Variants in ZFHX4 observed in about 807,000 individuals in gnomAD.
ZFHX4 encodes the protein zinc finger homeobox 4, also known as zinc finger homeobox protein 4.
A neutral mutation model predicts 267.6 loss-of-function variants in ZFHX4; 56 were observed. The observed-to-expected ratio is 0.21, with a 90% CI of 0.17 to 0.26. ZFHX4 has a LOEUF of 0.26. ZFHX4 is among the 10% of genes least tolerant of loss of function. The pLI is 1.00. For missense variants in ZFHX4, 4,332 were observed against 4,420.0 expected (o/e 0.98, Z 0.56); for synonymous variants, 1,778 against 1,665.6 (o/e 1.07, Z -1.64).
chr8:76,696,049 G>C (rs1807947763), intron 1 of ZFHX4, among the ~76,000 whole-genome samples: 1 of 152,008 alleles, frequency 6.6e-6, no homozygotes, highest in Non-Finnish European at 1.5e-5. Context: ...CTTGTTCTTG[G>C]TCCTAATAGA....
rs768195120 is a variant in ZFHX4, at chr8:76,853,666, G to C, written c.6745G>C (p.Ala2249Pro). 1 of 1,613,488 alleles carries C rather than the reference G, an allele frequency of 6.2e-7. No homozygotes were observed. The highest frequency in any genetic ancestry group is 1.1e-5 in the South Asian group (1 of 91,050). The change falls in exon 10 of 11, where the codon GCT becomes CCT. Residue 2249 changes from alanine (A) to proline (P), a missense_variant. Transcript: ENST00000651372. ...RVLQDFFDTN[A>P]YPKDDEIEQL... Reference sequence around the variant, plus strand: ...TCTGCAAGACTTTTTTGACACAAACGCTTACCCAAAAGATGATGAAATAGA... The same window carrying C: ...TCTGCAAGACTTTTTTGACACAAACCCTTACCCAAAAGATGATGAAATAGA...
chr8:76,793,577 G>A (rs923599767), intron 4 of ZFHX4, among the ~76,000 whole-genome samples: 1 of 152,156 alleles, frequency 6.6e-6, no homozygotes, highest in African/African-American at 2.4e-5. Context: ...ATTTGGGGAT[G>A]TATATTGGCT....
Position 76,854,735 on chromosome 8 carries a change from A to G in ZFHX4, c.7814A>G (p.Asp2605Gly). 2 of 1,612,954 alleles carry G rather than the reference A, an allele frequency of 1.2e-6. No homozygotes were observed. Among genetic ancestry groups the G allele is most frequent in the Non-Finnish European group, 1.7e-6 (2 of 1,179,376 alleles). The change falls in exon 10 of 11, where the codon GAT (aspartate) becomes GGT (glycine). Residue 2605 changes from aspartate (D) to glycine (G), a missense_variant. Asp to Gly is a moderately conservative substitution (Grantham distance 94). Coordinates refer to ENST00000651372, the MANE Select transcript of ZFHX4 (RefSeq NM_024721.5). ...AATAGCGGTGAAGACCAACACCGAG[A>G]TAAACGCTTGAGAACCACGATCACC... ...GGNSGEDQHR[D>G]KRLRTTITPE...
rs781685150 is a variant in ZFHX4 at position 76,849,688 on chromosome 8, C to A, written c.3822C>A (p.Asp1274Glu). 21 of 1,613,740 alleles carry A rather than the reference C, an allele frequency of 1.3e-5. No homozygotes were observed. The highest frequency in any genetic ancestry group is 1.7e-5 in the Non-Finnish European group (20 of 1,179,860). The change falls in exon 8 of 11, where the codon GAC becomes GAA. Residue 1274 changes from aspartate (D) to glutamate (E), a missense_variant. Transcript: ENST00000651372. Reference protein sequence around the residue: ...HLTHLHSVSPDCVEKLLMTVP... With the variant: ...HLTHLHSVSPECVEKLLMTVP... The stretch of plus-strand genomic sequence containing the variant: ...CGCATTTGCACAGTGTGTCTCCAGA[C>A]TGTGTGGAGAAGCTGCTTATGACAG...
rs1563485989 is a variant in ZFHX4 at position 76,725,005 on chromosome 8, A to G, written c.3093+16957A>G. On this transcript the variant is annotated intron_variant, in intron 3 of 10. Coordinates refer to ENST00000651372, the MANE Select transcript of ZFHX4 (RefSeq NM_024721.5). The stretch of plus-strand genomic sequence containing the variant: ...TGGATATAAGTGTGTGTGTACAGGT[A>G]TATGGGGGGATGTGTATGTGTAGAT... 3.3e-5 allele frequency among the ~76,000 whole-genome samples: 5 copies of G among 152,092 alleles called. No individual in the cohort carries two copies. In the South Asian group the frequency reaches 8.3e-4, roughly 25 times the overall value.
At position 76,825,143 on chromosome 8, in the gene ZFHX4, T is replaced by C. The variant is rs76927379; in HGVS notation, c.3326-8195T>C. 7.4e-3 allele frequency among the ~76,000 whole-genome samples: 1,134 copies of C among 152,282 alleles called. 14 individuals are homozygous for C. Among genetic ancestry groups the C allele is most frequent in the African/African-American group, 0.026 (1,097 of 41,536 alleles). On this transcript the variant is annotated intron_variant, in intron 4 of 10. Transcript: ENST00000651372. ...AATCTAAAAAGCCATAGTACCAAAT[T>C]GATATAGTCTTTTCTTTGAGTAACT...
chr8:76,742,463 G>A (rs1463525481), intron 3 of ZFHX4, among the ~76,000 whole-genome samples: 3 of 152,102 alleles, frequency 2.0e-5, no homozygotes, highest in Non-Finnish European at 4.4e-5. Context: ...CTAAGAAAAT[G>A]AATTTTTAGA....
intron 4 of ZFHX4, among the ~76,000 whole-genome samples, chr8:76,789,840 C>T (rs942418097): frequency 7.9e-5 from 12 of 152,022 alleles, no homozygotes; most frequent in Non-Finnish European, 1.6e-4. Flanking sequence ...TGTGCATATG[C>T]ATTTAGAAAA....
In ZFHX4 at chr8:76,851,516, A is replaced by C; in HGVS notation, c.4595A>C (p.Glu1532Ala). Residue 1532 changes from glutamate (E) to alanine (A), a missense_variant, in exon 10 of 11, where the codon GAA (glutamate) becomes GCA (alanine). By Grantham distance (107) the Glu-to-Ala change is moderately radical. Around this residue, in one of 7 missense-constraint regions of ZFHX4, gnomAD observed 1,371 missense variants for 1,423.1 expected, o/e 0.96. Coordinates refer to ENST00000651372, the MANE Select transcript of ZFHX4 (RefSeq NM_024721.5). ...AGAAAAGGGCCCAATTTTACGATGG[A>C]AAAATTCCTTGATCCATCTCGTCCA... is the stretch of plus-strand genomic sequence containing the variant. ...PFRKGPNFTM[E>A]KFLDPSRPYK... The C allele has an allele frequency of 1.2e-6, 2 of 1,613,952 alleles. No individual in the cohort carries two copies. The highest frequency in any genetic ancestry group is 1.7e-6 in the Non-Finnish European group (2 of 1,179,870).
At chr8:76,737,420 G>A (rs1563492825) in intron 3 of ZFHX4, among the ~76,000 whole-genome samples, 1 of 152,126 alleles carries the variant, frequency 6.6e-6, no homozygotes, top group Non-Finnish European at 1.5e-5. Flanking sequence ...TACCTGTATA[G>A]ACTAAGACCA....
intron 1 of ZFHX4, among the ~76,000 whole-genome samples, chr8:76,688,214 A>G (rs534121746): frequency 3.6e-4 from 55 of 152,170 alleles, no homozygotes; most frequent in Non-Finnish European, 6.2e-4. Flanking sequence ...AGAAGAGCCA[A>G]TAGTATGGTG....
At chr8:76,712,155 G>A (rs1176432583) in intron 3 of ZFHX4, among the ~76,000 whole-genome samples, 4 of 152,088 alleles carry the variant, frequency 2.6e-5, no homozygotes, top group Non-Finnish European at 5.9e-5. Flanking sequence ...CTGTCTCCAT[G>A]GTGAGCAAAG....
At chr8:76,766,258 C>G (rs781498020) in intron 3 of ZFHX4, among the ~76,000 whole-genome samples, 4 of 151,842 alleles carry the variant, frequency 2.6e-5, no homozygotes, top group African/African-American at 9.7e-5. Context: ...AAAATATGCT[C>G]TAATGTCTTA....
chr8:76,858,362 C>T (rs2131969643), intron 10 of ZFHX4, among the ~76,000 whole-genome samples: 1 of 152,298 alleles, frequency 6.6e-6, no homozygotes, highest in Non-Finnish European at 1.5e-5. Context: ...ATAGGAGTAT[C>T]TTTAAACACA....
intron 5 of ZFHX4, among the ~76,000 whole-genome samples, chr8:76,837,109 T>C (rs924594579): frequency 1.3e-5 from 2 of 152,066 alleles, no homozygotes; most frequent in Non-Finnish European, 2.9e-5. Context: ...TTACAAAATA[T>C]AAAGCCATGA....
chr8:76,681,446 A>G lies in ZFHX4; in HGVS notation c.-221A>G. On this transcript the variant is annotated 5_prime_UTR_variant, in exon 1 of 11. Coordinates refer to ENST00000651372, the MANE Select transcript of ZFHX4 (RefSeq NM_024721.5). ...CCCCGAGGACCGCTCCATGCCCCCC[A>G]CTTTCTGCTCCAGCGTTTTTATTTT... is the stretch of plus-strand genomic sequence containing the variant. 2 of 393,610 alleles carry G rather than the reference A, an allele frequency of 5.1e-6. No individual in the cohort carries two copies. Among genetic ancestry groups the G allele is most frequent in the Non-Finnish European group, 8.9e-6 (2 of 225,076 alleles). The allele number at this position is 393,610 out of a possible 1,614,324, so 24.4% of individuals were successfully genotyped here.
intron 4 of ZFHX4, among the ~76,000 whole-genome samples, chr8:76,813,014 C>T (rs903933484): frequency 3.3e-5 from 5 of 152,044 alleles, no homozygotes; most frequent in African/African-American, 1.2e-4. Flanking sequence ...ATTTAAAAGC[C>T]TCAATTTTTA....
chr8:76,834,273 T>C (rs1264717479), intron 5 of ZFHX4: 1 of 260,642 alleles, frequency 3.8e-6, no homozygotes, highest in African/African-American at 2.2e-5. Context: ...TACTAGATTG[T>C]ATGATAAGAG....
Position 76,852,840 on chromosome 8 carries a change from T to C in ZFHX4, c.5919T>C (p.Phe1973=), listed in dbSNP as rs771377855. The C allele has an allele frequency of 6.2e-7, 1 of 1,613,886 alleles. No individual in the cohort carries two copies. Among genetic ancestry groups the C allele is most frequent in the East Asian group, 2.2e-5 (1 of 44,874 alleles). ...AAGAACATGTACATGGGCAATTTTT[T>C]CCATATGCAGCGCTAGAAAAATTTG... ...SHQEHVHGQF[F]PYAALEKFAR... is the part of the protein sequence containing the mutation. Residue 1973 remains phenylalanine, a synonymous_variant, in exon 10 of 11, where the codon TTT becomes TTC. Coordinates refer to ENST00000651372, the MANE Select transcript of ZFHX4 (RefSeq NM_024721.5).
Sources: gnomAD v4.1 joint callset for allele counts (sites outside exome capture counted in the v4.1 genomes callset) on GRCh38, gnomAD v4.1.1 for gene constraint, gnomAD v4.1.1 regional missense constraint, MANE v1.5 for transcripts, NCBI Gene and HGNC (gene_info 2026-07-23, HGNC 2026-07-21) for gene names.